GLRA3: variants seen among roughly 807,000 people sequenced by gnomAD.
GLRA3 encodes glycine receptor subunit alpha-3.
GLRA3 carries 44 observed loss-of-function variants against 60.4 expected under a neutral mutation model. The ratio of observed to expected loss-of-function variants is 0.73; its 90% CI spans 0.57 to 0.94. The LOEUF is 0.94. Among genes scored for constraint, GLRA3 ranks in the 40% least tolerant of loss-of-function variants. The probability of loss-of-function intolerance (pLI) is 0.00; values close to 1 mark genes in which losing one functional copy is unlikely to be tolerated. For synonymous variants in GLRA3, 223 were observed against 192.9 expected, an observed-to-expected ratio of 1.16 and a Z score of -1.29; for missense variants, 508 against 564.6, an observed-to-expected ratio of 0.90 and a Z score of 1.02.
intron 1 of GLRA3, among the ~76,000 whole-genome samples, chr4:174,824,256 T>C (rs1409995816): frequency 1.3e-5 from 2 of 152,220 alleles, no homozygotes; most frequent in African/African-American, 4.8e-5. Flanking sequence ...TCACATGGTT[T>C]CCAACTTCTA....
intron 1 of GLRA3, among the ~76,000 whole-genome samples, chr4:174,816,761 C>T (rs965313270): frequency 8.6e-5 from 13 of 151,998 alleles, no homozygotes; most frequent in African/African-American, 2.9e-4. Context: ...ATTTTCTTCA[C>T]AGTTATCCAT....
chr4:174,799,383 T>C (rs1223145679), intron 1 of GLRA3, among the ~76,000 whole-genome samples: 1 of 152,212 alleles, frequency 6.6e-6, no homozygotes, highest in East Asian at 1.9e-4. Context: ...AAAAATGACA[T>C]GATTGAGACC....
At chr4:174,647,516 T>C (rs1196477885) in intron 9 of GLRA3, among the ~76,000 whole-genome samples, 1 of 151,880 alleles carries the variant, frequency 6.6e-6, no homozygotes, top group African/African-American at 2.4e-5. Flanking sequence ...AAAAGCCCAG[T>C]TGGTACTTGG....
At chr4:174,704,027 G>C (rs1449191254) in intron 5 of GLRA3, among the ~76,000 whole-genome samples, 1 of 103,374 alleles carries the variant, frequency 9.7e-6, no homozygotes, top group Non-Finnish European at 2.3e-5. Context: ...GGGCACGGTG[G>C]CACAGGCATG....
intron 1 of GLRA3, among the ~76,000 whole-genome samples, chr4:174,808,203 CA>C (rs1740124492): frequency 6.6e-6 from 1 of 151,884 alleles, no homozygotes; most frequent in Non-Finnish European, 1.5e-5. Context: ...AAAGGTGAAC[CA>C]AAAATAATAT....
chr4:174,820,129 AACTG>A (rs1740680783), intron 1 of GLRA3, among the ~76,000 whole-genome samples: 1 of 152,228 alleles, frequency 6.6e-6, no homozygotes, highest in African/African-American at 2.4e-5. Context: ...AGTAAGGCAT[AACTG>A]AGTAAGAAAA....
intron 2 of GLRA3, among the ~76,000 whole-genome samples, chr4:174,772,332 T>G (rs754155173): frequency 3.3e-5 from 5 of 152,142 alleles, no homozygotes; most frequent in Non-Finnish European, 5.9e-5. Context: ...CTTCAAAACC[T>G]AAATTTCACG....
At chr4:174,800,891 C>G (rs935543192) in intron 1 of GLRA3, among the ~76,000 whole-genome samples, 1 of 151,206 alleles carries the variant, frequency 6.6e-6, no homozygotes, top group African/African-American at 2.4e-5. Flanking sequence ...CAATGGCTGG[C>G]TTAAAATAAT....
intron 1 of GLRA3, among the ~76,000 whole-genome samples, chr4:174,812,558 T>C (rs943492968): frequency 6.6e-6 from 1 of 151,682 alleles, no homozygotes; most frequent in South Asian, 2.1e-4. Context: ...AATTAAACAA[T>C]AAAGCAGAAA....
chr4:174,791,776 TA>T (rs1739356184), intron 1 of GLRA3, among the ~76,000 whole-genome samples: 1 of 152,236 alleles, frequency 6.6e-6, no homozygotes. Context: ...TTGTAACTTT[TA>T]TTGAAAACTG....
intron 8 of GLRA3, among the ~76,000 whole-genome samples, chr4:174,657,139 G>T (rs1380801612): frequency 2.0e-5 from 3 of 152,112 alleles, no homozygotes; most frequent in Non-Finnish European, 4.4e-5. Flanking sequence ...GAGCTAAAGA[G>T]GAAGGAGCAT....
chr4:174,763,988 T>C (rs1432440303), intron 3 of GLRA3, among the ~76,000 whole-genome samples: 1 of 152,008 alleles, frequency 6.6e-6, no homozygotes, highest in African/African-American at 2.4e-5. Context: ...TAGAAAAAAG[T>C]TTGGTGACTA....
At chr4:174,804,532 A>G (rs1739956105) in intron 1 of GLRA3, among the ~76,000 whole-genome samples, 1 of 152,102 alleles carries the variant, frequency 6.6e-6, no homozygotes, top group African/African-American at 2.4e-5. Flanking sequence ...AATAAAATCC[A>G]CAGAATTTGG....
chr4:174,677,369 T>C (rs1734173997), intron 6 of GLRA3, 77 bp from the exon 7 acceptor site: 2 of 829,130 alleles, frequency 2.4e-6, no homozygotes, highest in East Asian at 2.6e-5. Flanking sequence ...CAATTTCTCT[T>C]TTTTTTTTGA....
rs1237979510 is a variant in GLRA3 at position 174,643,153 on chromosome 4, AT to A, written c.*632del. ...TGTGACTGTAACACGATCTCTTGTT[AT>A]TTGTTTTAAATTTGCACAGAGGAAA... On this transcript the variant is annotated 3_prime_UTR_variant, in exon 10 of 10. Transcript: ENST00000274093. 2.3e-6 allele frequency: 2 copies of A among 872,830 alleles called. No homozygotes were observed. Among genetic ancestry groups the A allele is most frequent in the East Asian group, 1.2e-4 (1 of 8,310 alleles). 54.1% of individuals were successfully genotyped at this position (872,830 alleles called of 1,614,324 possible).
intron 4 of GLRA3, among the ~76,000 whole-genome samples, chr4:174,726,186 A>T (rs956786899): frequency 6.6e-5 from 10 of 152,198 alleles, no homozygotes; most frequent in African/African-American, 2.4e-4. Flanking sequence ...CTCAGCAGAG[A>T]GGGAAGGTAT....
rs1736529884 is a variant in GLRA3 at position 174,731,131 on chromosome 4, A to C, written c.268-2433T>G. Among the ~76,000 whole-genome samples the C allele has an allele frequency of 2.6e-5, 4 of 152,326 alleles. No homozygotes were observed. The South Asian group carries it at 8.3e-4, about 32-fold the overall frequency. On this transcript the variant is annotated intron_variant, in intron 3 of 9. Coordinates refer to ENST00000274093, the MANE Select transcript of GLRA3 (RefSeq NM_006529.4). ...CCATGTCCTGAAAACCTTAGAAACT[A>C]AGATTTTACTGCTCCTTACAGTTTT... is the stretch of plus-strand genomic sequence containing the variant.
chr4:174,653,641 C>T (rs1229305708), intron 9 of GLRA3, among the ~76,000 whole-genome samples: 1 of 151,764 alleles, frequency 6.6e-6, no homozygotes, highest in Non-Finnish European at 1.5e-5. Context: ...GATAAGAAAT[C>T]AATGGAATGA....
intron 1 of GLRA3, among the ~76,000 whole-genome samples, chr4:174,828,058 T>C (rs1741049656): frequency 6.6e-6 from 1 of 152,162 alleles, no homozygotes; most frequent in Non-Finnish European, 1.5e-5. Flanking sequence ...AATTATTTTT[T>C]TAAGCCTACC....
Sources: allele counts gnomAD v4.1 joint callset (sites outside exome capture counted in the v4.1 genomes callset), GRCh38; gene constraint gnomAD v4.1.1; transcripts MANE v1.5; gene names NCBI Gene and HGNC (gene_info 2026-07-23, HGNC 2026-07-21).